The following CYP17A1 variants were observed in gnomAD, a reference collection of about 807,000 sequenced individuals.
The protein encoded by CYP17A1 is steroid 17-alpha-hydroxylase/17,20 lyase.
In CYP17A1, 27 loss-of-function variants were observed where a neutral mutation model predicts 38.5. That is an observed-to-expected ratio of 0.70 (90% confidence interval 0.52 to 0.97). The LOEUF (loss-of-function observed/expected upper bound fraction) is 0.97, where lower values mean the gene tolerates loss of function less well. Among genes scored for constraint, CYP17A1 ranks in the 50% least tolerant of loss-of-function variants. CYP17A1 has a pLI of 0.00. For synonymous variants in CYP17A1, 263 were observed against 253.3 expected (o/e 1.04, Z -0.36); for missense variants, 549 against 645.9 (o/e 0.85, Z 1.63).
At chr10:102,832,809 C>G in intron 5 of CYP17A1, 129 bp from the exon 6 acceptor site, 1 of 1,363,410 alleles carries the variant, frequency 7.3e-7, no homozygotes. Flanking sequence ...GCTCTGGGGC[C>G]CAGGCCCGGC....
In CYP17A1 at chr10:102,830,958, TG is replaced by T. The variant is rs1844079566; in HGVS notation, c.1270del (p.Gln424SerfsTer7). The part of the protein sequence containing the change: ...PERFLNPAGT[Q>X]LISPSVSYLP... ...ATAGCTTACTGACGGTGAGATGAGC[TG>T]GGTCCCCGCTGGATTCAAGAAACGC... On this transcript the variant is annotated frameshift_variant, in exon 8 of 8. Coordinates refer to ENST00000369887, the MANE Select transcript of CYP17A1 (RefSeq NM_000102.4). LOFTEE classifies it high-confidence loss of function. The surrounding 1 kb of genome is among the most constrained non-coding windows in gnomAD (Gnocchi z 4.1). The T allele has an allele frequency of 6.3e-7, 1 of 1,578,600 alleles. No individual in the cohort carries two copies. Among genetic ancestry groups the T allele is most frequent in the Non-Finnish European group, 8.6e-7 (1 of 1,160,062 alleles).
rs1333994059 is a variant in CYP17A1 at position 102,834,814 on chromosome 10, T to C, written c.637A>G (p.Ser213Gly). The C allele has an allele frequency of 6.2e-7, 1 of 1,614,040 alleles. No homozygotes were observed. The highest frequency in any genetic ancestry group is 8.5e-7 in the Non-Finnish European group (1 of 1,180,028). Residue 213 changes from serine (S) to glycine (G), a missense_variant, in exon 3 of 8, where the codon AGC (serine) becomes GGC (glycine). Physicochemically the swap from Ser to Gly is moderately conservative, Grantham distance 56. This residue lies in a region of CYP17A1 where 289 missense variants were observed against 320.9 expected (regional missense o/e 0.90). Transcript: ENST00000369887. ...AACCAGGGGACTAGGTCCACCAGGC[T>C]GTCTTTGCTCAGGTTGTCTATGATG... The part of the protein sequence containing the change: ...EGIIDNLSKD[S>G]LVDLVPWLKI...
At position 102,834,809 on chromosome 10, in the gene CYP17A1, C is replaced by G. The variant is rs1226517775; in HGVS notation, c.642G>C (p.Leu214=). Residue 214 remains leucine (L), a synonymous_variant, in exon 3 of 8, where the codon CTG becomes CTC. Transcript: ENST00000369887. ...CCTTCAACCAGGGGACTAGGTCCAC[C>G]AGGCTGTCTTTGCTCAGGTTGTCTA... The part of the protein sequence containing the change: ...GIIDNLSKDS[L]VDLVPWLKIF... 1 of 1,614,046 alleles carries G rather than the reference C, an allele frequency of 6.2e-7. No homozygotes were observed. The highest frequency in any genetic ancestry group is 1.3e-5 in the African/African-American group (1 of 74,908).
At chr10:102,832,913 T>C in intron 5 of CYP17A1, 80 bp downstream of exon 5, 12 of 1,575,990 alleles carry the variant, frequency 7.6e-6, no homozygotes, top group South Asian at 1.2e-5. Context: ...ACAGAAAGCC[T>C]GAGAGAATTG....
chr10:102,837,233 G>A lies in CYP17A1; in HGVS notation c.129C>T (p.Leu43=), dbSNP rs1458513674. Residue 43 remains leucine, a synonymous_variant, in exon 1 of 8, where the codon CTC becomes CTT. Coordinates refer to ENST00000369887, the MANE Select transcript of CYP17A1 (RefSeq NM_000102.4). ...TGTTATGCATATGGCCGTGTCTGGG[G>A]AGGAATGGCAGGCTGCCCACCAGGG... ...SLPLVGSLPF[L]PRHGHMHNNF... 6.2e-7 allele frequency: 1 copy of A among 1,607,262 alleles called. No individual in the cohort carries two copies.
Position 102,833,079 on chromosome 10 carries a change from T to C in CYP17A1, c.883A>G (p.Thr295Ala). Residue 295 changes from threonine to alanine, a missense_variant, in exon 5 of 8, where the codon ACC becomes GCC. Coordinates refer to ENST00000369887, the MANE Select transcript of CYP17A1 (RefSeq NM_000102.4). ...CCAGCCCCAAAGATGTCCCCTATGG[T>C]GGTGAGAATGTGGTTATCTGAAAGC... ...ELLSDNHILT[T>A]IGDIFGAGVE... 2 of 1,614,008 alleles carry C rather than the reference T, an allele frequency of 1.2e-6. No individual in the cohort carries two copies. The highest frequency in any genetic ancestry group is 1.7e-6 in the Non-Finnish European group (2 of 1,179,978).
chr10:102,833,396 G>A (rs960525981), intron 4 of CYP17A1, 188 bp from the exon 5 acceptor site: 2 of 1,106,110 alleles, frequency 1.8e-6, no homozygotes, highest in Admixed American at 4.9e-5. Context: ...TTGGTGGAGA[G>A]GTTAGGTCTC....
At chr10:102,833,277 C>G in intron 4 of CYP17A1, 69 bp from the exon 5 acceptor site, 1 of 1,611,398 alleles carries the variant, frequency 6.2e-7, no homozygotes, top group Admixed American at 1.7e-5. Context: ...TGCCATACTT[C>G]TGTCCCTGAC....
intron 3 of CYP17A1, 113 bp downstream of exon 3, chr10:102,834,671 TA>T (rs1844136184): frequency 6.9e-7 from 1 of 1,458,130 alleles, no homozygotes; most frequent in Non-Finnish European, 9.5e-7. Context: ...GTGGCGGAGG[TA>T]ATCAGGAAAA....
At position 102,835,376 on chromosome 10, in the gene CYP17A1, G is replaced by A. The variant is rs139936404; in HGVS notation, c.314C>T (p.Ala105Val). ...GGCGATACCCTTACGGTTGTTGGAC[G>A]CGATGTCTAGAGTTGCCTTTAGAGA... Reference protein sequence around the residue: ...GRPQMATLDIASNNRKGIAFA... With the variant: ...GRPQMATLDIVSNNRKGIAFA... The change falls in exon 2 of 8, where the codon GCG becomes GTG. Residue 105 changes from alanine to valine, a missense_variant. Transcript: ENST00000369887. 3.6e-5 allele frequency: 58 copies of A among 1,612,408 alleles called. No homozygotes were observed. Among genetic ancestry groups the A allele is most frequent in the Admixed American group, 5.0e-5 (3 of 60,012 alleles).
chr10:102,837,264 G>C lies in CYP17A1; in HGVS notation c.98C>G (p.Ser33Cys). ...TGGCAGGCTGCCCACCAGGGGCAGG[G>C]ACAGGAGGCTCTTGGGGTACTTGGC... ...PGAKYPKSLL[S>C]LPLVGSLPFL... is the part of the protein sequence containing the mutation. The change falls in exon 1 of 8, where the codon TCC becomes TGC. Residue 33 changes from serine (S) to cysteine (C), a missense_variant. Around this residue, in one of 3 missense-constraint regions of CYP17A1, gnomAD observed 289 missense variants for 320.9 expected, o/e 0.90. Coordinates refer to ENST00000369887, the MANE Select transcript of CYP17A1 (RefSeq NM_000102.4). 6.2e-7 allele frequency: 1 copy of C among 1,601,424 alleles called. No individual in the cohort carries two copies. Among genetic ancestry groups the C allele is most frequent in the Non-Finnish European group, 8.6e-7 (1 of 1,168,362 alleles).
intron 1 of CYP17A1, chr10:102,836,632 C>G (rs1186092246): frequency 5.0e-6 from 1 of 200,422 alleles, no homozygotes; most frequent in Non-Finnish European, 1.0e-5. Context: ...TTCTCCCCAG[C>G]AGCTTTCATG....
Position 102,830,598 on chromosome 10 carries a change from TGG to T in CYP17A1, c.*102_*103del. On this transcript the variant is annotated 3_prime_UTR_variant, in exon 8 of 8. Coordinates refer to ENST00000369887, the MANE Select transcript of CYP17A1 (RefSeq NM_000102.4). The surrounding 1 kb of genome is among the most constrained non-coding windows in gnomAD (Gnocchi z 4.1). ...CCACAAGCTGAAAAAGAAGGCAGAG[TGG>T]GTTGGGAGTAGGGAAGAATGGCGGA... 1.4e-6 allele frequency: 1 copy of T among 695,630 alleles called. No homozygotes were observed. Among genetic ancestry groups the T allele is most frequent in the South Asian group, 1.6e-5 (1 of 63,858 alleles). 43.1% of individuals were successfully genotyped at this position (695,630 alleles called of 1,614,324 possible). A position where few individuals can be genotyped will look rare whatever the true frequency, so the allele number is the denominator to read the frequency against.
Position 102,834,042 on chromosome 10 carries a change from A to C in CYP17A1, c.747T>G (p.Asn249Lys). 1 of 1,144,218 alleles carries C rather than the reference A, an allele frequency of 8.7e-7. No homozygotes were observed. Among genetic ancestry groups the C allele is most frequent in the South Asian group, 1.2e-5 (1 of 81,708 alleles). 70.9% of individuals were successfully genotyped at this position (1,144,218 alleles called of 1,614,324 possible). A position where few individuals can be genotyped will look rare whatever the true frequency, so the allele number is the denominator to read the frequency against. ...RNDLLNKILE[N>K]YKEKFRSDSI... Reference sequence around the variant, plus strand: ...CTTCTGCTCTATCACCTACCTTGTAATTTTCAAGTATTTTATTCAGCAGAT... The same window carrying C: ...CTTCTGCTCTATCACCTACCTTGTACTTTTCAAGTATTTTATTCAGCAGAT... Residue 249 changes from asparagine (N) to lysine (K), a missense_variant, in exon 4 of 8, where the codon AAT becomes AAG. Asn to Lys is a moderately conservative substitution (Grantham distance 94). Around this residue, in one of 3 missense-constraint regions of CYP17A1, gnomAD observed 289 missense variants for 320.9 expected, o/e 0.90. Coordinates refer to ENST00000369887, the MANE Select transcript of CYP17A1 (RefSeq NM_000102.4).
At chr10:102,833,410 T>A in intron 4 of CYP17A1, 1 of 928,838 alleles carries the variant, frequency 1.1e-6, no homozygotes, top group Non-Finnish European at 1.6e-6. Context: ...AGGTCTCTTC[T>A]AGGATCCTCT....
intron 2 of CYP17A1, 117 bp from the exon 3 acceptor site, chr10:102,835,131 C>A: frequency 2.7e-6 from 3 of 1,093,448 alleles, no homozygotes; most frequent in South Asian, 2.5e-5. Context: ...TAGATGGCAG[C>A]AGTAGCCAAG....
intron 7 of CYP17A1, 36 bp from the exon 8 acceptor site, chr10:102,831,021 G>A (rs1264789996): frequency 2.8e-6 from 4 of 1,430,438 alleles, no homozygotes; most frequent in Non-Finnish European, 3.9e-6. Context: ...AGGGGTTAGG[G>A]CAGGAGGGAG....
At chr10:102,832,440 G>C (rs1314963185) in intron 6 of CYP17A1, 71 bp downstream of exon 6, 1 of 1,013,322 alleles carries the variant, frequency 9.9e-7, no homozygotes, top group Non-Finnish European at 1.6e-6. Flanking sequence ...GGGGGTAGGG[G>C]GAGCCAGGTG....
intron 1 of CYP17A1, among the ~76,000 whole-genome samples, chr10:102,836,455 CAAAAA>C (rs71019622): frequency 1.6e-5 from 1 of 62,590 alleles, no homozygotes. Context: ...GACTCTGTCT[CAAAAA>C]AAAAAAAAAA....
Sources: allele counts gnomAD v4.1 joint callset (sites outside exome capture counted in the v4.1 genomes callset), GRCh38; gene constraint gnomAD v4.1.1; regional missense constraint gnomAD v4.1.1; non-coding constraint Gnocchi (gnomAD v3.1); transcripts MANE v1.5; gene names NCBI Gene and HGNC (gene_info 2026-07-23, HGNC 2026-07-21).